Variants in SP100 observed in about 807,000 individuals in gnomAD.
The protein encoded by SP100 is SP100 nuclear body protein.
SP100 carries 84 observed loss-of-function variants against 130.0 expected under a neutral mutation model. That is an observed-to-expected ratio of 0.65 (90% CI 0.54 to 0.77). The LOEUF is 0.77. Ranked by LOEUF, SP100 falls within the 30% of genes least tolerant of loss-of-function variation. SP100 has a pLI of 0.00. For missense variants in SP100, 978 were observed against 1,052.2 expected (o/e 0.93, Z 0.97); for synonymous variants, 331 against 351.7 (o/e 0.94, Z 0.66).
intron 17 of SP100, among the ~76,000 whole-genome samples, chr2:230,491,799 G>C (rs949065995): frequency 1.3e-5 from 2 of 152,158 alleles, no homozygotes; most frequent in Non-Finnish European, 2.9e-5. Context: ...ACCATATAAC[G>C]ATACTTTCAG....
chr2:230,426,787 GA>G (rs1471975781), intron 2 of SP100, among the ~76,000 whole-genome samples: 7 of 152,158 alleles, frequency 4.6e-5, no homozygotes, highest in African/African-American at 1.7e-4. Context: ...TCTGGTTCAA[GA>G]TCAATGTTTC....
intron 25 of SP100, among the ~76,000 whole-genome samples, chr2:230,539,719 T>A (rs1408521824): frequency 2.0e-5 from 3 of 152,200 alleles, no homozygotes; most frequent in African/African-American, 4.8e-5. Flanking sequence ...GTACACCACC[T>A]GCTGTGGGAC....
Position 230,416,263 on chromosome 2 carries a change from G to GC in SP100, c.-33dup. ...GCCGACTGAGGGGCTCAGAGGCCAG[G>GC]CTCTGAGGCCCACGCAGGGCCTAGG... On this transcript the variant is annotated 5_prime_UTR_variant, in exon 1 of 29. Coordinates refer to ENST00000340126, the MANE Select transcript of SP100 (RefSeq NM_001080391.2). 1 of 1,604,392 alleles carries GC rather than the reference G, an allele frequency of 6.2e-7. No homozygotes were observed. The highest frequency in any genetic ancestry group is 8.5e-7 in the Non-Finnish European group (1 of 1,172,514).
At chr2:230,518,333 T>A (rs1367328648) in intron 24 of SP100, among the ~76,000 whole-genome samples, 2 of 151,950 alleles carry the variant, frequency 1.3e-5, no homozygotes, top group African/African-American at 2.4e-5. Context: ...GAAAAACACA[T>A]CTTACTTTTT....
At chr2:230,534,157 C>T (rs1691825599) in intron 24 of SP100, among the ~76,000 whole-genome samples, 1 of 152,148 alleles carries the variant, frequency 6.6e-6, no homozygotes, top group Non-Finnish European at 1.5e-5. Context: ...CCTGTAATCC[C>T]AGCACTTTGG....
chr2:230,445,557 T>G (rs2063672407), intron 4 of SP100, among the ~76,000 whole-genome samples: 1 of 152,190 alleles, frequency 6.6e-6, no homozygotes, highest in Non-Finnish European at 1.5e-5. Flanking sequence ...TAAGCAGTAG[T>G]TGTATATGGC....
chr2:230,494,901 GCCGGGCAGT>G (rs1387859807), intron 18 of SP100, among the ~76,000 whole-genome samples: 1 of 152,212 alleles, frequency 6.6e-6, no homozygotes, highest in Non-Finnish European at 1.5e-5. Context: ...TATAACGCTG[GCCGGGCAGT>G]CCTTGGTTCA....
At chr2:230,465,966 C>T (rs969382872) in intron 11 of SP100, among the ~76,000 whole-genome samples, 10 of 151,940 alleles carry the variant, frequency 6.6e-5, no homozygotes, top group Non-Finnish European at 1.5e-4. Flanking sequence ...AGGTGGATCA[C>T]CTGAGGTCAG....
intron 19 of SP100, among the ~76,000 whole-genome samples, chr2:230,500,353 C>G (rs896966485): frequency 6.6e-6 from 1 of 152,176 alleles, no homozygotes; most frequent in Admixed American, 6.5e-5. Context: ...CTTTATTATA[C>G]ATGATCTGCT....
intron 2 of SP100, among the ~76,000 whole-genome samples, chr2:230,440,800 C>A (rs1395879092): frequency 2.1e-4 from 32 of 152,068 alleles, no homozygotes; most frequent in Admixed American, 2.0e-3. Context: ...AAGGCAAAAT[C>A]TTACCAGCAT....
chr2:230,473,527 A>C (rs1460442413), intron 16 of SP100, 87 bp downstream of exon 16: 1 of 740,762 alleles, frequency 1.3e-6, no homozygotes, highest in African/African-American at 1.7e-5. Flanking sequence ...ATCAGAGTTG[A>C]AGCAAAGCAT....
intron 13 of SP100, chr2:230,468,817 CAAAAAAA>C (rs10617635): frequency 0.38 from 56,565 of 150,140 alleles, 8,648 homozygotes; most frequent in Middle Eastern, 0.5. Flanking sequence ...GACCCTGTCT[CAAAAAAA>C]AAAAAAAAAA....
intron 24 of SP100, chr2:230,520,477 C>G (rs1435454752): frequency 6.6e-6 from 1 of 152,202 alleles, no homozygotes; most frequent in Non-Finnish European, 1.5e-5. Flanking sequence ...CTTCAAAAAA[C>G]CAGAACTTCC....
At chr2:230,432,956 A>G (rs1326570078) in intron 2 of SP100, among the ~76,000 whole-genome samples, 1 of 152,130 alleles carries the variant, frequency 6.6e-6, no homozygotes, top group Non-Finnish European at 1.5e-5. Context: ...AAGTCTTATC[A>G]TTTTTGCTGT....
chr2:230,525,913 G>T (rs191414108), intron 24 of SP100, among the ~76,000 whole-genome samples: 63 of 152,354 alleles, frequency 4.1e-4, no homozygotes, highest in Middle Eastern at 6.8e-3. Context: ...AGCATGAACT[G>T]GGCGGAGCCC....
chr2:230,502,704 G>C (rs1274194530), intron 19 of SP100, among the ~76,000 whole-genome samples: 1 of 152,160 alleles, frequency 6.6e-6, no homozygotes, highest in Non-Finnish European at 1.5e-5. Flanking sequence ...AGAAATATAG[G>C]ATACATCTCA....
Position 230,528,392 on chromosome 2 carries a change from A to G in SP100, c.2095-10875A>G, listed in dbSNP as rs201601987. ...CTTTGAAACCAATGAGAACAAATAC[A>G]CAGTGTACCAGAATCTCTGGGACAC... On this transcript the variant is annotated intron_variant, in intron 24 of 28. Transcript: ENST00000340126. Among the ~76,000 whole-genome samples the G allele has an allele frequency of 4.6e-5, 7 of 152,264 alleles. 1 individual carries two copies. In the East Asian group the frequency reaches 1.3e-3, roughly 29 times the overall value.
intron 3 of SP100, 150 bp downstream of exon 3, chr2:230,443,249 C>T: frequency 1.4e-6 from 1 of 699,522 alleles, no homozygotes; most frequent in Non-Finnish European, 2.4e-6. Context: ...TGTAAGTGCT[C>T]CTGTAAAGTA....
intron 2 of SP100, among the ~76,000 whole-genome samples, chr2:230,433,366 T>C (rs2063152422): frequency 6.6e-6 from 1 of 152,204 alleles, no homozygotes; most frequent in African/African-American, 2.4e-5. Flanking sequence ...TTTATATATA[T>C]TTATGCCAGT....
Sources: allele counts gnomAD v4.1 joint callset (sites outside exome capture counted in the v4.1 genomes callset), GRCh38; gene constraint gnomAD v4.1.1; transcripts MANE v1.5; gene names NCBI Gene and HGNC (gene_info 2026-07-23, HGNC 2026-07-21).